Variants in C1QTNF1 observed in about 807,000 individuals in gnomAD.
The protein encoded by C1QTNF1 is complement C1q tumor necrosis factor-related protein 1.
In C1QTNF1, 22 loss-of-function variants were observed where a neutral mutation model predicts 27.8. The observed-to-expected ratio is 0.79, with a 90% confidence interval of 0.56 to 1.13. The LOEUF (loss-of-function observed/expected upper bound fraction) is 1.13, where lower values mean the gene tolerates loss of function less well. Ranked by LOEUF, C1QTNF1 falls within the 50% of genes most tolerant of loss-of-function variation. C1QTNF1 has a pLI of 0.00. For missense variants in C1QTNF1, 373 were observed against 380.2 expected, an observed-to-expected ratio of 0.98 and a Z score of 0.16; for synonymous variants, 166 against 154.3, an observed-to-expected ratio of 1.08 and a Z score of -0.56.
At position 79,048,073 on chromosome 17, in the gene C1QTNF1, C is replaced by T. The variant is rs766142621; in HGVS notation, c.831C>T (p.His277=). ...CCTTCAGTGGCTACCTGGTCAAGCACGCCACCGAGCCCTAGCTGGCCGGCC... is the reference window on the plus strand; with the variant it reads ...CCTTCAGTGGCTACCTGGTCAAGCATGCCACCGAGCCCTAGCTGGCCGGCC... ...YITFSGYLVK[H]ATEP is the part of the protein sequence containing the mutation. The change falls in exon 4 of 4, where the codon CAC becomes CAT. Residue 277 remains histidine, a synonymous_variant. Coordinates refer to ENST00000579760, the MANE Select transcript of C1QTNF1 (RefSeq NM_030968.5). 1.3e-5 allele frequency: 20 copies of T among 1,563,760 alleles called. No homozygotes were observed. The South Asian group carries it at 1.4e-4, about 11-fold the overall frequency.
At chr17:79,027,869 G>T (rs890945598) in intron 1 of C1QTNF1, among the ~76,000 whole-genome samples, 5 of 152,216 alleles carry the variant, frequency 3.3e-5, no homozygotes, top group Non-Finnish European at 5.9e-5. Context: ...GGTTCAAAGG[G>T]GGATGGTCTC....
At chr17:79,032,761 G>T (rs1433562226) in intron 1 of C1QTNF1, among the ~76,000 whole-genome samples, 1 of 152,080 alleles carries the variant, frequency 6.6e-6, no homozygotes, top group Non-Finnish European at 1.5e-5. Flanking sequence ...GTTAATTGGG[G>T]GCTTAAAAGC....
intron 1 of C1QTNF1, among the ~76,000 whole-genome samples, chr17:79,034,754 T>C (rs1163589152): frequency 6.6e-6 from 1 of 152,160 alleles, no homozygotes; most frequent in African/African-American, 2.4e-5. Flanking sequence ...AATAAACACC[T>C]AAGCCTTAAA....
chr17:79,029,304 G>A (rs980217405), intron 1 of C1QTNF1, among the ~76,000 whole-genome samples: 2 of 152,186 alleles, frequency 1.3e-5, no homozygotes, highest in Non-Finnish European at 2.9e-5. Flanking sequence ...ACCCCTCGGG[G>A]TGAAGTGTAA....
At chr17:79,044,604 G>C (rs1183497541) in intron 2 of C1QTNF1, among the ~76,000 whole-genome samples, 1 of 152,188 alleles carries the variant, frequency 6.6e-6, no homozygotes, top group Non-Finnish European at 1.5e-5. Flanking sequence ...AGCGGAGACT[G>C]GGTGGGCCAA....
At chr17:79,030,098 T>G (rs1344098371) in intron 1 of C1QTNF1, among the ~76,000 whole-genome samples, 1 of 152,014 alleles carries the variant, frequency 6.6e-6, no homozygotes, top group African/African-American at 2.4e-5. Context: ...TCTAGTCGAG[T>G]TTCCTGGAAT....
In C1QTNF1 at chr17:79,024,633, G is replaced by A. The variant is rs79368029; in HGVS notation, c.-15+139G>A. 8.4e-3 allele frequency: 1,279 copies of A among 152,598 alleles called. 49 individuals carry two copies. The East Asian group carries it at 0.12, about 14-fold the overall frequency. The allele number at this position is 152,598 out of a possible 1,614,324, so 9.5% of individuals were successfully genotyped here. On this transcript the variant is annotated intron_variant, in intron 1 of 3. Coordinates refer to ENST00000579760, the MANE Select transcript of C1QTNF1 (RefSeq NM_030968.5). Reference sequence around the variant, plus strand: ...TGGGAGGGGCCGGTTGGCGGTGGCGGCGCAGGGGCGGAAAGACCCGGGTTT... The same window carrying A: ...TGGGAGGGGCCGGTTGGCGGTGGCGACGCAGGGGCGGAAAGACCCGGGTTT...
chr17:79,043,770 G>C, intron 1 of C1QTNF1, 185 bp from the exon 2 acceptor site: 1 of 707,454 alleles, frequency 1.4e-6, no homozygotes, highest in Non-Finnish European at 2.5e-6. Context: ...GTGCGTGTAT[G>C]CATGCATGGG....
chr17:79,039,783 A>ATGTGTGTG (rs35243048), intron 1 of C1QTNF1, among the ~76,000 whole-genome samples: 39 of 151,162 alleles, frequency 2.6e-4, no homozygotes, highest in African/African-American at 8.8e-4. Context: ...TTAAATAAAT[A>ATGTGTGTG]TGTGTGTGTG....
intron 1 of C1QTNF1, among the ~76,000 whole-genome samples, chr17:79,033,916 C>T (rs1276906267): frequency 2.0e-5 from 3 of 152,120 alleles, no homozygotes; most frequent in Admixed American, 1.3e-4. Flanking sequence ...GTGTTGGGTG[C>T]CACGAGGGTC....
At chr17:79,027,430 A>G (rs1325288184) in intron 1 of C1QTNF1, 1 of 152,318 alleles carries the variant, frequency 6.6e-6, no homozygotes, top group Non-Finnish European at 1.5e-5. Context: ...TCAGCTCAAC[A>G]ATGTGTTTCC....
At position 79,047,238 on chromosome 17, in the gene C1QTNF1, C is replaced by CTTTTT. The variant is rs372840829; in HGVS notation, c.296-289_296-285dup. 7.7e-3 allele frequency: 2,139 copies of CTTTTT among 277,442 alleles called. 38 individuals are homozygous for CTTTTT. Among genetic ancestry groups the CTTTTT allele is most frequent in the African/African-American group, 0.044 (1,791 of 40,672 alleles). 17.2% of individuals were successfully genotyped at this position (277,442 alleles called of 1,614,324 possible). On this transcript the variant is annotated intron_variant, in intron 3 of 3. Transcript: ENST00000579760. Reference sequence around the variant, plus strand: ...TGTTCCATTTTCTTTTTTTTCTTTTCTTTTTTTTTTTTTTTACCAGGGCTT... The same window carrying CTTTTT: ...TGTTCCATTTTCTTTTTTTTCTTTTCTTTTTTTTTTTTTTTTTTTTACCAGGGCTT...
chr17:79,043,137 G>A (rs59605649), intron 1 of C1QTNF1, among the ~76,000 whole-genome samples: 20,926 of 150,796 alleles, frequency 0.14, 1,863 homozygotes, highest in African/African-American at 0.26. Context: ...GTGTGTGCAT[G>A]TTGGATTGCA....
intron 1 of C1QTNF1, among the ~76,000 whole-genome samples, chr17:79,036,023 C>T (rs1187777686): frequency 2.6e-5 from 4 of 152,060 alleles, no homozygotes; most frequent in African/African-American, 4.8e-5. Flanking sequence ...AAACGCCTCT[C>T]AGATTTCTGG....
chr17:79,032,449 G>A (rs955613053), intron 1 of C1QTNF1, among the ~76,000 whole-genome samples: 2 of 152,208 alleles, frequency 1.3e-5, no homozygotes, highest in African/African-American at 2.4e-5. Flanking sequence ...ACTGGCATAG[G>A]AAGCCCTTGG....
Position 79,044,047 on chromosome 17 carries a change from G to T in C1QTNF1, c.79G>T (p.Val27Leu), listed in dbSNP as rs1459279902. 1 of 1,613,836 alleles carries T rather than the reference G, an allele frequency of 6.2e-7. No homozygotes were observed. The highest frequency in any genetic ancestry group is 1.3e-5 in the African/African-American group (1 of 74,934). The stretch of plus-strand genomic sequence containing the variant: ...TGCCTCTGGCCTGGTCCTGAGTCGT[G>T]TGCCCCATGTCCAGGGGGAACAGCA... The part of the protein sequence containing the change: ...AFASGLVLSR[V>L]PHVQGEQQEW... The change falls in exon 2 of 4, where the codon GTG becomes TTG. Residue 27 changes from valine to leucine, a missense_variant. By Grantham distance (32) the Val-to-Leu change is conservative. Transcript: ENST00000579760.
intron 1 of C1QTNF1, among the ~76,000 whole-genome samples, chr17:79,040,683 C>T (rs1379607696): frequency 6.6e-5 from 9 of 136,344 alleles, no homozygotes; most frequent in African/African-American, 1.1e-4. Flanking sequence ...CACTTGAGCC[C>T]GGGAGTTTGA....
chr17:79,031,470 T>C (rs1180102285), intron 1 of C1QTNF1, among the ~76,000 whole-genome samples: 5 of 152,128 alleles, frequency 3.3e-5, no homozygotes. Flanking sequence ...TTTTTTGAGA[T>C]GGAGTTTCAC....
At chr17:79,032,716 A>C (rs1448628356) in intron 1 of C1QTNF1, among the ~76,000 whole-genome samples, 1 of 152,170 alleles carries the variant, frequency 6.6e-6, no homozygotes, top group Non-Finnish European at 1.5e-5. Flanking sequence ...CAGGAGGAGA[A>C]GCTAATGTGG....
Sources: gnomAD v4.1 joint callset for allele counts (sites outside exome capture counted in the v4.1 genomes callset) on GRCh38, gnomAD v4.1.1 for gene constraint, MANE v1.5 for transcripts, NCBI Gene and HGNC (gene_info 2026-07-23, HGNC 2026-07-21) for gene names.